The following KRABD5 variants were observed in gnomAD, a reference collection of about 807,000 sequenced individuals.
KRABD5 encodes KRAB domain containing 5.
At chr16:31,734,785 T>C in the KRABD5 span, among the ~76,000 whole-genome samples, 1 of 151,630 alleles carries the variant, frequency 6.6e-6, no homozygotes, top group Admixed American at 6.6e-5. Context: ...CTTGCTCTGT[T>C]GCCCAGGCTG....
At chr16:31,750,080 A>T in the KRABD5 span, among the ~76,000 whole-genome samples, 2 of 152,138 alleles carry the variant, frequency 1.3e-5, no homozygotes, top group African/African-American at 4.8e-5. Context: ...GTGAAAAATG[A>T]CGTTGGTAGT....
chr16:31,716,929 C>T, the KRABD5 span, among the ~76,000 whole-genome samples: 1 of 149,918 alleles, frequency 6.7e-6, no homozygotes, highest in African/African-American at 2.5e-5. Flanking sequence ...TTTTTTCTGC[C>T]TTTTGGAAAT....
chr16:31,731,746 T>C, the KRABD5 span, among the ~76,000 whole-genome samples: 1 of 152,190 alleles, frequency 6.6e-6, no homozygotes, highest in Admixed American at 6.5e-5. Context: ...CACAGATGTG[T>C]GTGCTTTCAG....
the KRABD5 span, among the ~76,000 whole-genome samples, chr16:31,730,365 A>G: frequency 2.6e-5 from 4 of 152,084 alleles, no homozygotes; most frequent in Middle Eastern, 3.4e-3. Flanking sequence ...AGCACTTTTA[A>G]TATATGGTAT....
At chr16:31,713,617 C>A in the KRABD5 span, 1 of 792,010 alleles carries the variant, frequency 1.3e-6, no homozygotes, top group Admixed American at 3.1e-5. Context: ...CGCGTCCGGT[C>A]CCCTCCCGAC....
At chr16:31,719,119 C>T in the KRABD5 span, among the ~76,000 whole-genome samples, 2 of 152,168 alleles carry the variant, frequency 1.3e-5, no homozygotes, top group Non-Finnish European at 2.9e-5. Context: ...TAGTCCCTAC[C>T]ATCTGGGAAC....
the KRABD5 span, among the ~76,000 whole-genome samples, chr16:31,753,199 T>G: frequency 6.6e-6 from 1 of 152,198 alleles, no homozygotes; most frequent in African/African-American, 2.4e-5. Flanking sequence ...ATTTTCCTAT[T>G]AAAAAGGTTT....
the KRABD5 span, among the ~76,000 whole-genome samples, chr16:31,729,277 T>C: frequency 2.6e-5 from 4 of 152,234 alleles, no homozygotes; most frequent in Non-Finnish European, 5.9e-5. Flanking sequence ...TATCAGAATA[T>C]TCACAGGGTA....
the KRABD5 span, among the ~76,000 whole-genome samples, chr16:31,747,003 A>G: frequency 6.7e-6 from 1 of 149,458 alleles, no homozygotes; most frequent in African/African-American, 2.5e-5. Flanking sequence ...TTTAATTATT[A>G]TTATACTTTA....
the KRABD5 span, among the ~76,000 whole-genome samples, chr16:31,729,446 A>G: frequency 6.6e-6 from 1 of 152,208 alleles, no homozygotes; most frequent in Non-Finnish European, 1.5e-5. Flanking sequence ...GCTCCCTTTT[A>G]TAACAAACGC....
the KRABD5 span, chr16:31,755,589 C>T: frequency 2.1e-6 from 1 of 471,130 alleles, no homozygotes; most frequent in South Asian, 1.5e-5. Context: ...AACCGGTCTT[C>T]AAACCTTAGA....
At chr16:31,761,414 G>C in the KRABD5 span, 3 of 151,954 alleles carry the variant, frequency 2.0e-5, no homozygotes, top group African/African-American at 7.3e-5. Context: ...CTAGTTCACC[G>C]GTCCTCTTAT....
the KRABD5 span, among the ~76,000 whole-genome samples, chr16:31,726,819 G>C: frequency 0.13 from 20,269 of 152,050 alleles, 1,782 homozygotes; most frequent in South Asian, 0.32. Context: ...TCTCTGAAAA[G>C]TGACATTGGA....
At chr16:31,738,086 A>C in the KRABD5 span, among the ~76,000 whole-genome samples, 1 of 152,098 alleles carries the variant, frequency 6.6e-6, no homozygotes, top group Non-Finnish European at 1.5e-5. Flanking sequence ...CATCTGCTTA[A>C]ATTTGGTAAA....
chr16:31,755,370 G>A, the KRABD5 span: 1 of 504,928 alleles, frequency 2.0e-6, no homozygotes, highest in Non-Finnish European at 4.1e-6. Context: ...ATTCATACCG[G>A]AGAGAAACCC....
At chr16:31,731,345 C>T in the KRABD5 span, among the ~76,000 whole-genome samples, 2 of 126,320 alleles carry the variant, frequency 1.6e-5, no homozygotes, top group Non-Finnish European at 3.6e-5. Context: ...TGGATCCCGT[C>T]TCTTCTCTGG....
At chr16:31,746,444 C>T in the KRABD5 span, among the ~76,000 whole-genome samples, 1 of 152,158 alleles carries the variant, frequency 6.6e-6, no homozygotes, top group Non-Finnish European at 1.5e-5. Context: ...ATATTGGCCC[C>T]CAGTCTCTTC....
At chr16:31,731,915 A>AT in the KRABD5 span, among the ~76,000 whole-genome samples, 7 of 152,068 alleles carry the variant, frequency 4.6e-5, no homozygotes, top group African/African-American at 7.2e-5. Context: ...TGTGGACAGG[A>AT]TTTTTTCCAG....
At chr16:31,722,010 G>C in the KRABD5 span, among the ~76,000 whole-genome samples, 1 of 152,210 alleles carries the variant, frequency 6.6e-6, no homozygotes, top group African/African-American at 2.4e-5. Flanking sequence ...GATTGTGGAT[G>C]ATGTAAATAT....
Sources: allele counts gnomAD v4.1 joint callset (sites outside exome capture counted in the v4.1 genomes callset), GRCh38; gene constraint gnomAD v4.1.1; transcripts MANE v1.5; gene names NCBI Gene and HGNC (gene_info 2026-07-23, HGNC 2026-07-21).